Variants in DMKN observed in about 807,000 individuals in gnomAD.
The protein encoded by DMKN is dermokine.
A neutral mutation model predicts 67.6 loss-of-function variants in DMKN; 58 were observed. The ratio of observed to expected loss-of-function variants is 0.86; its 90% CI spans 0.69 to 1.07. The LOEUF is 1.07. Ranked by LOEUF, DMKN falls within the 50% of genes least tolerant of loss-of-function variation. The probability of loss-of-function intolerance (pLI) is 0.00; values close to 1 mark genes in which losing one functional copy is unlikely to be tolerated. For synonymous variants in DMKN, 240 were observed against 232.3 expected (o/e 1.03, Z -0.30); for missense variants, 596 against 601.5 (o/e 0.99, Z 0.10).
Position 35,513,542 on chromosome 19 carries a change from G to T in DMKN, c.-67C>A. On this transcript the variant is annotated 5_prime_UTR_variant, in exon 1 of 16. Transcript: ENST00000339686. Reference sequence around the variant, plus strand: ...CCAGGGTCTCCTCCTTGCCGCCCTTGCTCTGCGTCTCTGTGCCCTCCTCTG... The same window carrying T: ...CCAGGGTCTCCTCCTTGCCGCCCTTTCTCTGCGTCTCTGTGCCCTCCTCTG... 6.6e-7 allele frequency: 1 copy of T among 1,525,344 alleles called. No homozygotes were observed. Among genetic ancestry groups the T allele is most frequent in the Non-Finnish European group, 8.7e-7 (1 of 1,146,694 alleles). The allele number at this position is 1,525,344 out of a possible 1,614,324, so 94.5% of individuals were successfully genotyped here. A position where few individuals can be genotyped will look rare whatever the true frequency, so the allele number is the denominator to read the frequency against.
At chr19:35,497,609 C>G (rs1335666787) in intron 15 of DMKN, 71 bp from the exon 16 acceptor site, 1 of 152,304 alleles carries the variant, frequency 6.6e-6, no homozygotes, top group African/African-American at 2.4e-5. Context: ...ATCTTTTCAC[C>G]CAGCGTCTGG....
intron 7 of DMKN, chr19:35,507,459 C>A (rs745442226): frequency 6.4e-7 from 1 of 1,551,370 alleles, no homozygotes; most frequent in Admixed American, 2.0e-5. Context: ...TAGGCTCACC[C>A]TATAATTGTC....
intron 7 of DMKN, chr19:35,507,424 T>A: frequency 6.5e-7 from 1 of 1,542,432 alleles, no homozygotes; most frequent in Non-Finnish European, 8.8e-7. Flanking sequence ...CCATCCCTTC[T>A]CCTAAAGCCA....
chr19:35,502,408 A>G (rs1334814079), intron 10 of DMKN, among the ~76,000 whole-genome samples: 4 of 152,128 alleles, frequency 2.6e-5, no homozygotes, highest in African/African-American at 9.6e-5. Context: ...AAAAATGAAG[A>G]GGGGGAGTTG....
chr19:35,506,032 G>A, intron 7 of DMKN, 46 bp from the exon 8 acceptor site: 1 of 1,613,962 alleles, frequency 6.2e-7, no homozygotes, highest in Non-Finnish European at 8.5e-7. Context: ...CCCACTTTGT[G>A]AGCCAGAGTC....
Position 35,511,438 on chromosome 19 carries a change from TCTGCTGCCACCACTGTTGCCA to T in DMKN, c.870_890del (p.Ser290_Ser296del). ...AGGAGGACTCACTGCCGCTGTCACC[TCTGCTGCCACCACTGTTGCCA>T]CTGCTGCCACCACTGCTGCCGCCAC... On this transcript the variant is annotated inframe_deletion, in exon 5 of 16. Coordinates refer to ENST00000339686, the MANE Select transcript of DMKN (RefSeq NM_033317.5). The T allele has an allele frequency of 3.2e-6, 5 of 1,587,086 alleles. No individual in the cohort carries two copies. The highest frequency in any genetic ancestry group is 2.4e-5 in the East Asian group (1 of 41,788).
intron 9 of DMKN, among the ~76,000 whole-genome samples, chr19:35,504,109 T>A (rs2068966013): frequency 6.6e-6 from 1 of 152,134 alleles, no homozygotes; most frequent in Non-Finnish European, 1.5e-5. Context: ...CTGGCCCAGA[T>A]GGATCCTGCC....
chr19:35,508,294 C>T, intron 7 of DMKN: 1 of 1,544,578 alleles, frequency 6.5e-7, no homozygotes, highest in Non-Finnish European at 8.8e-7. Flanking sequence ...TGAGGCCACC[C>T]CCGAAAATTA....
Position 35,500,587 on chromosome 19 carries a change from G to T in DMKN, c.1240-7C>A. ...GTGATGACGCGTCCGCACCCTGAAA[G>T]GAAGAAGGGGCCACAGTTCGTGCCT... On this transcript the variant is annotated splice_region_variant and splice_polypyrimidine_tract_variant and intron_variant, in intron 11 of 15. Transcript: ENST00000339686. 1.2e-6 allele frequency: 2 copies of T among 1,603,702 alleles called. No individual in the cohort carries two copies. The highest frequency in any genetic ancestry group is 1.1e-5 in the South Asian group (1 of 90,568).
rs1330966300 is a variant in DMKN at position 35,512,476 on chromosome 19, C to A, written c.629G>T (p.Gly210Val). The A allele has an allele frequency of 1.9e-6, 3 of 1,614,184 alleles. No individual in the cohort carries two copies. The highest frequency in any genetic ancestry group is 2.5e-6 in the Non-Finnish European group (3 of 1,180,024). The change falls in exon 3 of 16, where the codon GGA (glycine) becomes GTA (valine). Residue 210 changes from glycine (G) to valine (V), a missense_variant and splice_region_variant. Gly to Val is a moderately radical substitution (Grantham distance 109, BLOSUM62 -3). Transcript: ENST00000339686. ...GPPNFGTNTQGAVAQPGYGSV... is the reference protein window; with the variant it reads ...GPPNFGTNTQVAVAQPGYGSV... ...ACCATAGCCAGGCTGGGCCACAGCTCCCTGCAGAGAGGGTGAGACTGAGAG... is the reference window on the plus strand; with the variant it reads ...ACCATAGCCAGGCTGGGCCACAGCTACCTGCAGAGAGGGTGAGACTGAGAG...
At chr19:35,510,005 A>G in intron 6 of DMKN, 44 bp from the exon 7 acceptor site, 2 of 1,611,776 alleles carry the variant, frequency 1.2e-6, no homozygotes, top group Non-Finnish European at 8.5e-7. Context: ...GTCCCCTCCC[A>G]GACCAGTCCC....
intron 7 of DMKN, chr19:35,508,505 A>G (rs2146124803): frequency 6.1e-6 from 2 of 328,614 alleles, no homozygotes; most frequent in South Asian, 1.0e-4. Flanking sequence ...CCTGTCCGAC[A>G]GAATTCCCAG....
At position 35,509,896 on chromosome 19, in the gene DMKN, G is replaced by T; in HGVS notation, c.1038+15C>A. ...ACTGCAGTCCCCAGGAGACTTAAGA[G>T]ACTTTGGCTCTCACCTGAATCCCAG... On this transcript the variant is annotated intron_variant, in intron 7 of 15. Transcript: ENST00000339686. 1 of 1,614,196 alleles carries T rather than the reference G, an allele frequency of 6.2e-7. No individual in the cohort carries two copies. Among genetic ancestry groups the T allele is most frequent in the South Asian group, 1.1e-5 (1 of 91,072 alleles).
At chr19:35,510,392 A>T (rs1378085890) in intron 5 of DMKN, 140 bp from the exon 6 acceptor site, 1 of 1,552,212 alleles carries the variant, frequency 6.4e-7, no homozygotes, top group African/African-American at 1.4e-5. Context: ...CCCCCTCTTT[A>T]GCCTGTTGGT....
At chr19:35,508,214 G>A (rs900964631) in intron 7 of DMKN, 207 of 1,552,042 alleles carry the variant, frequency 1.3e-4, no homozygotes, top group Non-Finnish European at 1.7e-4. Context: ...CCCTCATGTT[G>A]CTGGAAACTC....
intron 11 of DMKN, 136 bp downstream of exon 11, chr19:35,502,000 C>A (rs1351220546): frequency 1.3e-6 from 2 of 1,551,566 alleles, no homozygotes; most frequent in East Asian, 2.4e-5. Flanking sequence ...CCTCTCACCC[C>A]GCCCCCACTC....
At chr19:35,502,785 G>A (rs1321476180) in intron 10 of DMKN, 45 bp downstream of exon 10, 8 of 1,608,556 alleles carry the variant, frequency 5.0e-6, no homozygotes, top group African/African-American at 4.0e-5. Context: ...GGGAGAGTCA[G>A]GAGGGCCAGG....
At chr19:35,509,232 A>G (rs2070225836) in intron 7 of DMKN, among the ~76,000 whole-genome samples, 1 of 151,692 alleles carries the variant, frequency 6.6e-6, no homozygotes, top group African/African-American at 2.4e-5. Flanking sequence ...AAAAGGAAAA[A>G]AACACAAACT....
chr19:35,501,827 C>G (rs753966813), intron 11 of DMKN: 2 of 1,571,182 alleles, frequency 1.3e-6, no homozygotes, highest in Non-Finnish European at 1.7e-6. Context: ...ACCCACCCAG[C>G]CGTGGCTCCC....
Sources: gnomAD v4.1 joint callset for allele counts (sites outside exome capture counted in the v4.1 genomes callset) on GRCh38, gnomAD v4.1.1 for gene constraint, MANE v1.5 for transcripts, NCBI Gene and HGNC (gene_info 2026-07-23, HGNC 2026-07-21) for gene names.